Variants in CAMK1D observed in about 807,000 individuals in gnomAD.
The protein encoded by CAMK1D is calcium/calmodulin-dependent protein kinase type 1D.
CAMK1D carries 9 observed loss-of-function variants against 47.7 expected under a neutral mutation model. The ratio of observed to expected loss-of-function variants is 0.19; its 90% CI spans 0.11 to 0.33. The LOEUF is 0.33. Ranked by LOEUF, CAMK1D falls within the 10% of genes least tolerant of loss-of-function variation. The pLI, the probability that CAMK1D is intolerant of heterozygous loss-of-function variation, is 1.00. For synonymous variants in CAMK1D, 184 were observed against 184.9 expected (o/e 0.99, Z 0.04); for missense variants, 291 against 488.7 (o/e 0.60, Z 3.81).
At chr10:12,810,729 A>C (rs1259451810) in intron 6 of CAMK1D, among the ~76,000 whole-genome samples, 1 of 152,224 alleles carries the variant, frequency 6.6e-6, no homozygotes, top group Non-Finnish European at 1.5e-5. Context: ...TCAACGCCCG[A>C]AGTTCAATTC....
intron 3 of CAMK1D, among the ~76,000 whole-genome samples, chr10:12,722,618 A>T (rs1350381248): frequency 6.6e-6 from 1 of 152,152 alleles, no homozygotes; most frequent in Non-Finnish European, 1.5e-5. Flanking sequence ...TTAGCCAAAC[A>T]CTGGGCACAC....
intron 1 of CAMK1D, among the ~76,000 whole-genome samples, chr10:12,373,104 G>A (rs1838050376): frequency 6.6e-6 from 1 of 152,190 alleles, no homozygotes; most frequent in Non-Finnish European, 1.5e-5. Context: ...CGGGGCTTCA[G>A]TGGCAAATGA....
intron 5 of CAMK1D, among the ~76,000 whole-genome samples, chr10:12,780,755 T>C (rs1200143346): frequency 1.3e-5 from 2 of 152,220 alleles, no homozygotes; most frequent in Non-Finnish European, 2.9e-5. Flanking sequence ...CTCCGACTGT[T>C]AGTGTCACAA....
intron 3 of CAMK1D, among the ~76,000 whole-genome samples, chr10:12,669,073 A>G (rs1183201455): frequency 1.3e-5 from 2 of 152,096 alleles, no homozygotes; most frequent in African/African-American, 4.8e-5. Context: ...CTCTACTAAA[A>G]ATGTAAAAAT....
chr10:12,757,418 A>G (rs1836280185), intron 3 of CAMK1D, among the ~76,000 whole-genome samples: 1 of 152,204 alleles, frequency 6.6e-6, no homozygotes, highest in Admixed American at 6.5e-5. Context: ...GCTTTCAAAC[A>G]TGCACACAGG....
At chr10:12,649,741 C>T (rs1458375276) in intron 2 of CAMK1D, among the ~76,000 whole-genome samples, 2 of 152,164 alleles carry the variant, frequency 1.3e-5, no homozygotes, top group African/African-American at 2.4e-5. Flanking sequence ...CCATCATCAC[C>T]TCTGAAGAGC....
intron 1 of CAMK1D, among the ~76,000 whole-genome samples, chr10:12,380,720 G>A (rs1308651510): frequency 6.6e-6 from 1 of 152,148 alleles, no homozygotes; most frequent in Non-Finnish European, 1.5e-5. Flanking sequence ...GCCAGGCATG[G>A]GGTCACGTGC....
chr10:12,670,985 A>T (rs977898671), intron 3 of CAMK1D, among the ~76,000 whole-genome samples: 6 of 152,186 alleles, frequency 3.9e-5, no homozygotes, highest in Non-Finnish European at 8.8e-5. Flanking sequence ...AGTCTCTTGC[A>T]ACTACTTATC....
In CAMK1D at chr10:12,391,526, A is replaced by T. The variant is rs574067883; in HGVS notation, c.92+41616A>T. On this transcript the variant is annotated intron_variant, in intron 1 of 10. Transcript: ENST00000619168. ...AAATTCATGCTGACCGTTTTTTTTA[A>T]AAAAAATTCCATTTTAAGTACTGAA... is the stretch of plus-strand genomic sequence containing the variant. Among the ~76,000 whole-genome samples the T allele has an allele frequency of 5.0e-3, 766 of 151,946 alleles. 4 individuals are homozygous for T. Among genetic ancestry groups the T allele is most frequent in the East Asian group, 0.02 (103 of 5,182 alleles).
intron 1 of CAMK1D, among the ~76,000 whole-genome samples, chr10:12,478,120 C>G (rs1344473521): frequency 6.6e-6 from 1 of 151,490 alleles, no homozygotes; most frequent in African/African-American, 2.4e-5. Context: ...ATTCTCCTGC[C>G]TCAGCCTCCT....
At chr10:12,450,588 C>G (rs558763771) in intron 1 of CAMK1D, among the ~76,000 whole-genome samples, 1 of 152,220 alleles carries the variant, frequency 6.6e-6, no homozygotes, top group African/African-American at 2.4e-5. Context: ...GGGCAGCTCA[C>G]ACATGGACAG....
At chr10:12,547,783 TG>T (rs2132260791) in intron 1 of CAMK1D, among the ~76,000 whole-genome samples, 1 of 152,314 alleles carries the variant, frequency 6.6e-6, no homozygotes, top group African/African-American at 2.4e-5. Context: ...TTAAATTTCC[TG>T]GAACAGGGGA....
At position 12,835,457 on chromosome 10, in the gene CAMK1D, T is replaced by G. The variant is rs1039991473; in HGVS notation, c.*6570T>G. The G allele has an allele frequency of 6.6e-6, 1 of 152,242 alleles. No individual in the cohort carries two copies. Among genetic ancestry groups the G allele is most frequent in the Non-Finnish European group, 1.5e-5 (1 of 68,042 alleles). The allele number at this position is 152,242 out of a possible 1,614,324, so 9.4% of individuals were successfully genotyped here. ...AGCAAATGATTCTCTGCCTTGACAA[T>G]CATGTATACATATCAAGATTTCTAT... On this transcript the variant is annotated 3_prime_UTR_variant, in exon 11 of 11. Coordinates refer to ENST00000619168, the MANE Select transcript of CAMK1D (RefSeq NM_153498.4).
chr10:12,821,454 G>A (rs1833008212), intron 8 of CAMK1D, among the ~76,000 whole-genome samples: 1 of 152,172 alleles, frequency 6.6e-6, no homozygotes, highest in South Asian at 2.1e-4. Flanking sequence ...GCCCAGGACT[G>A]GCAAGTGCTG....
rs139883976 is a variant in CAMK1D at position 12,716,641 on chromosome 10, G to T, written c.300-44307G>T. On this transcript the variant is annotated intron_variant, in intron 3 of 10. Coordinates refer to ENST00000619168, the MANE Select transcript of CAMK1D (RefSeq NM_153498.4). ...CTTCTTTGCCCCATTTCCATCCCCC[G>T]AGATGAAGGCTACGACTGCGTCATG... is the stretch of plus-strand genomic sequence containing the variant. Among the ~76,000 whole-genome samples the T allele has an allele frequency of 3.9e-3, 594 of 152,160 alleles. 8 individuals are homozygous for T. Among genetic ancestry groups the T allele is most frequent in the African/African-American group, 0.013 (549 of 41,486 alleles).
At chr10:12,375,716 C>T (rs145247854) in intron 1 of CAMK1D, among the ~76,000 whole-genome samples, 116 of 152,264 alleles carry the variant, frequency 7.6e-4, no homozygotes, top group African/African-American at 2.6e-3. Context: ...ATTATTTCCT[C>T]GTTGGGGTTT....
At chr10:12,723,962 A>G (rs1834505236) in intron 3 of CAMK1D, among the ~76,000 whole-genome samples, 3 of 151,410 alleles carry the variant, frequency 2.0e-5, no homozygotes. Flanking sequence ...TCCTGTGTCC[A>G]GATGTTCTCA....
intron 1 of CAMK1D, among the ~76,000 whole-genome samples, chr10:12,412,687 C>T (rs1484051293): frequency 5.8e-5 from 7 of 120,296 alleles, no homozygotes; most frequent in African/African-American, 1.0e-4. Context: ...AAGAGTGAGA[C>T]GCCATCAAAA....
At chr10:12,550,001 G>A (rs187459623) in intron 1 of CAMK1D, among the ~76,000 whole-genome samples, 2 of 152,174 alleles carry the variant, frequency 1.3e-5, no homozygotes, top group Non-Finnish European at 2.9e-5. Flanking sequence ...TCCCCTCTGC[G>A]TTGGCCGTGG....
Sources: allele counts gnomAD v4.1 joint callset (sites outside exome capture counted in the v4.1 genomes callset), GRCh38; gene constraint gnomAD v4.1.1; transcripts MANE v1.5; gene names NCBI Gene and HGNC (gene_info 2026-07-23, HGNC 2026-07-21).